Variants in ESR1 observed in about 807,000 individuals in gnomAD.
ESR1 encodes the protein estrogen receptor.
In ESR1, 12 loss-of-function variants were observed where a neutral mutation model predicts 52.7. The ratio of observed to expected loss-of-function variants is 0.23; its 90% CI spans 0.15 to 0.37. ESR1 has a LOEUF of 0.37. Ranked by LOEUF, ESR1 falls within the 10% of genes least tolerant of loss-of-function variation. ESR1 has a pLI of 1.00. For synonymous variants in ESR1, 305 were observed against 316.8 expected (o/e 0.96, Z 0.39); for missense variants, 584 against 779.7 (o/e 0.75, Z 2.99).
chr6:151,735,320 T>A (rs1034164191), intron 2 of ESR1, among the ~76,000 whole-genome samples: 9 of 152,190 alleles, frequency 5.9e-5, no homozygotes, highest in Non-Finnish European at 1.5e-5. Context: ...GATTTCTCAT[T>A]TAAGTAGGAT....
chr6:152,069,438 A>G lies in ESR1; in HGVS notation c.1369+8314A>G, dbSNP rs757686260. On this transcript the variant is annotated intron_variant, in intron 6 of 7. Coordinates refer to ENST00000206249, the MANE Select transcript of ESR1 (RefSeq NM_000125.4). ...TTTTTTAGCATCAAAGATGTTATCT[A>G]TAGAAGTTAGGACATTGTGACAGGG... Among the ~76,000 whole-genome samples, 35 of 136,686 alleles carry G rather than the reference A, an allele frequency of 2.6e-4. 3 individuals carry two copies. The Middle Eastern group carries it at 0.01, about 41-fold the overall frequency. 89.7% of individuals were successfully genotyped at this position (136,686 alleles called of 152,430 possible).
At position 151,807,900 on chromosome 6, in the gene ESR1, G is replaced by A. The variant is rs754990631; in HGVS notation, c.-13G>A. The stretch of plus-strand genomic sequence containing the variant: ...CGGGGACACGGTCTGCACCCTGCCC[G>A]CGGCCACGGACCATGACCATGACCC... On this transcript the variant is annotated 5_prime_UTR_variant, in exon 1 of 8. Transcript: ENST00000206249. 3 of 1,611,930 alleles carry A rather than the reference G, an allele frequency of 1.9e-6. No individual in the cohort carries two copies. The highest frequency in any genetic ancestry group is 3.3e-5 in the Admixed American group (2 of 60,008).
chr6:152,118,348 C>T (rs1011845143), intron 6 of ESR1: 5 of 152,110 alleles, frequency 3.3e-5, no homozygotes, highest in African/African-American at 1.2e-4. Flanking sequence ...TAAACAAGAA[C>T]CCACCCAAAT....
intron 1 of ESR1, among the ~76,000 whole-genome samples, chr6:151,825,138 A>T (rs1013127716): frequency 1.3e-5 from 2 of 152,072 alleles, no homozygotes; most frequent in Non-Finnish European, 2.9e-5. Flanking sequence ...GACAAAAGCA[A>T]ACCTCCTGTC....
intron 3 of ESR1, among the ~76,000 whole-genome samples, chr6:151,883,930 A>G (rs994341157): frequency 2.6e-5 from 4 of 152,130 alleles, no homozygotes; most frequent in Non-Finnish European, 5.9e-5. Flanking sequence ...ACCTCATTGA[A>G]TCTTAATCAC....
intron 2 of ESR1, among the ~76,000 whole-genome samples, chr6:151,737,453 C>G (rs994982059): frequency 6.6e-6 from 1 of 152,048 alleles, no homozygotes; most frequent in African/African-American, 2.4e-5. Flanking sequence ...TATTCTGTTT[C>G]TTTAATAGAC....
intron 4 of ESR1, among the ~76,000 whole-genome samples, chr6:151,948,508 G>C (rs1328980774): frequency 1.3e-5 from 2 of 152,102 alleles, no homozygotes; most frequent in Non-Finnish European, 2.9e-5. Context: ...AAGAGGAAAA[G>C]GGGCAGTTCA....
At chr6:151,858,235 G>C (rs1355860823) in intron 2 of ESR1, among the ~76,000 whole-genome samples, 1 of 152,192 alleles carries the variant, frequency 6.6e-6, no homozygotes, top group African/African-American at 2.4e-5. Flanking sequence ...GGGTTGTTGA[G>C]AAATCATAGC....
chr6:152,073,329 A>T (rs1351305306), intron 6 of ESR1, among the ~76,000 whole-genome samples: 1 of 152,216 alleles, frequency 6.6e-6, no homozygotes, highest in Non-Finnish European at 1.5e-5. Flanking sequence ...AGGGACTTCG[A>T]TTTTGTATTT....
At chr6:152,011,414 A>G (rs1404070460) in intron 4 of ESR1, among the ~76,000 whole-genome samples, 2 of 152,198 alleles carry the variant, frequency 1.3e-5, no homozygotes, top group Non-Finnish European at 2.9e-5. Context: ...GTGTTGCTCA[A>G]GTTGGTACAT....
intron 3 of ESR1, among the ~76,000 whole-genome samples, chr6:151,928,563 G>A (rs1264608440): frequency 6.6e-6 from 1 of 151,692 alleles, no homozygotes; most frequent in African/African-American, 2.4e-5. Flanking sequence ...TCTTAAGTTG[G>A]GAACTGTCTA....
chr6:151,792,591 T>C (rs1272468168), intron 2 of ESR1, among the ~76,000 whole-genome samples: 1 of 152,000 alleles, frequency 6.6e-6, no homozygotes, highest in East Asian at 1.9e-4. Context: ...AGACGTACAC[T>C]ACTGCACCCA....
intron 2 of ESR1, among the ~76,000 whole-genome samples, chr6:151,851,173 C>A (rs1786627921): frequency 6.6e-6 from 1 of 152,142 alleles, no homozygotes; most frequent in Admixed American, 6.5e-5. Flanking sequence ...CAGTGAATTC[C>A]TTGTTCTTCT....
At chr6:152,080,250 C>T (rs9479209) in intron 6 of ESR1, among the ~76,000 whole-genome samples, 32,054 of 151,968 alleles carry the variant, frequency 0.21, 4,772 homozygotes, top group African/African-American at 0.41. Context: ...AGAGAAAAGT[C>T]GGGTTACCCA....
At chr6:152,048,502 A>C (rs2046416698) in intron 5 of ESR1, among the ~76,000 whole-genome samples, 1 of 152,064 alleles carries the variant, frequency 6.6e-6, no homozygotes, top group Non-Finnish European at 1.5e-5. Context: ...TCAAATTAAC[A>C]GCTTTATTTT....
chr6:152,037,935 A>G (rs111733467), intron 5 of ESR1, among the ~76,000 whole-genome samples: 5 of 152,254 alleles, frequency 3.3e-5, no homozygotes, highest in African/African-American at 1.2e-4. Flanking sequence ...AATAGGATAG[A>G]TGTATATATG....
chr6:151,710,055 A>G (rs187911991), intron 2 of ESR1, among the ~76,000 whole-genome samples: 41 of 152,106 alleles, frequency 2.7e-4, no homozygotes, highest in African/African-American at 8.9e-4. Flanking sequence ...CGAATTGTTT[A>G]AACATCACAT....
chr6:151,669,897 G>T (rs1328690194), intron 1 of ESR1, among the ~76,000 whole-genome samples: 1 of 152,116 alleles, frequency 6.6e-6, no homozygotes, highest in African/African-American at 2.4e-5. Flanking sequence ...AAGGACACAT[G>T]GGAGAGGGAA....
intron 1 of ESR1, among the ~76,000 whole-genome samples, chr6:151,837,435 G>A (rs1373720672): frequency 2.0e-5 from 3 of 151,974 alleles, no homozygotes; most frequent in South Asian, 2.1e-4. Flanking sequence ...ATGTAATATC[G>A]GTGATTTCAT....
Sources: allele counts gnomAD v4.1 joint callset (sites outside exome capture counted in the v4.1 genomes callset), GRCh38; gene constraint gnomAD v4.1.1; transcripts MANE v1.5; gene names NCBI Gene and HGNC (gene_info 2026-07-23, HGNC 2026-07-21).